GLRB: variants seen among roughly 807,000 people sequenced by gnomAD.
GLRB encodes the protein glycine receptor subunit beta.
GLRB carries 33 observed loss-of-function variants against 54.2 expected under a neutral mutation model. The observed-to-expected ratio is 0.61, with a 90% CI of 0.46 to 0.81. The LOEUF (loss-of-function observed/expected upper bound fraction) is 0.81, where lower values mean the gene tolerates loss of function less well. Among genes scored for constraint, GLRB ranks in the 40% least tolerant of loss-of-function variants. The pLI is 0.00. For synonymous variants in GLRB, 209 were observed against 208.2 expected, an observed-to-expected ratio of 1.00 and a Z score of -0.03; for missense variants, 572 against 584.6, an observed-to-expected ratio of 0.98 and a Z score of 0.22.
intron 2 of GLRB, among the ~76,000 whole-genome samples, chr4:157,086,093 A>C (rs2126435773): frequency 6.6e-6 from 1 of 152,178 alleles, no homozygotes; most frequent in East Asian, 1.9e-4. Flanking sequence ...TGTTCTCCCA[A>C]AGACTTCGCG....
chr4:157,120,705 A>G (rs1318280599), intron 3 of GLRB, 43 bp downstream of exon 3: 3 of 900,740 alleles, frequency 3.3e-6, no homozygotes, highest in East Asian at 2.7e-5. Flanking sequence ...TTGTTTAAAA[A>G]TTAATTTTAT....
chr4:157,101,287 A>C (rs549556916), intron 2 of GLRB, among the ~76,000 whole-genome samples: 1 of 152,224 alleles, frequency 6.6e-6, no homozygotes, highest in East Asian at 1.9e-4. Flanking sequence ...CATAAAATAT[A>C]AATAATATAT....
At chr4:157,089,994 T>A (rs1312660090) in intron 2 of GLRB, among the ~76,000 whole-genome samples, 1 of 152,212 alleles carries the variant, frequency 6.6e-6, no homozygotes, top group Non-Finnish European at 1.5e-5. Context: ...ATCTAGCTAC[T>A]TCTCCTCATC....
At chr4:157,168,090 A>G (rs150319173) in intron 9 of GLRB, among the ~76,000 whole-genome samples, 1 of 150,452 alleles carries the variant, frequency 6.6e-6, no homozygotes, top group Non-Finnish European at 1.5e-5. Context: ...GGAGACAAAT[A>G]TCCAAACCAC....
chr4:157,119,652 A>G (rs1375159814), intron 2 of GLRB, among the ~76,000 whole-genome samples: 1 of 151,746 alleles, frequency 6.6e-6, no homozygotes, highest in African/African-American at 2.4e-5. Flanking sequence ...AATATTTACT[A>G]GTCTCTATTT....
chr4:157,145,224 G>C (rs779801641), intron 8 of GLRB, among the ~76,000 whole-genome samples: 3 of 152,156 alleles, frequency 2.0e-5, no homozygotes, highest in Non-Finnish European at 4.4e-5. Flanking sequence ...TCTGATACCA[G>C]GTTCCTGAGC....
intron 2 of GLRB, among the ~76,000 whole-genome samples, chr4:157,098,369 G>T (rs1163852271): frequency 6.6e-6 from 1 of 152,060 alleles, no homozygotes; most frequent in African/African-American, 2.4e-5. Flanking sequence ...AAAGACTTTT[G>T]CAATAGGGAG....
chr4:157,115,324 A>AG (rs397699514), intron 2 of GLRB, among the ~76,000 whole-genome samples: 2 of 150,164 alleles, frequency 1.3e-5, no homozygotes, highest in Non-Finnish European at 3.0e-5. Context: ...TTAAAAAAAA[A>AG]TTGTCTTCTC....
chr4:157,078,458 A>G (rs983934505), intron 2 of GLRB, among the ~76,000 whole-genome samples: 2 of 152,034 alleles, frequency 1.3e-5, no homozygotes, highest in African/African-American at 4.8e-5. Context: ...TGCAACTTTA[A>G]TTGGATACTG....
At chr4:157,167,683 C>T (rs894879640) in intron 9 of GLRB, among the ~76,000 whole-genome samples, 3 of 152,224 alleles carry the variant, frequency 2.0e-5, no homozygotes, top group South Asian at 2.1e-4. Flanking sequence ...CTCACTCTTT[C>T]GACTTGTGTA....
At chr4:157,095,009 A>C (rs1734752129) in intron 2 of GLRB, among the ~76,000 whole-genome samples, 3 of 152,206 alleles carry the variant, frequency 2.0e-5, no homozygotes, top group Admixed American at 6.5e-5. Flanking sequence ...TTTCACACTA[A>C]AATAATATTC....
intron 4 of GLRB, among the ~76,000 whole-genome samples, chr4:157,127,954 A>G (rs1736074421): frequency 6.6e-6 from 1 of 151,934 alleles, no homozygotes; most frequent in Admixed American, 6.6e-5. Flanking sequence ...ATTGGAAACT[A>G]GTACATATGC....
At chr4:157,150,444 A>T (rs1054009752) in intron 8 of GLRB, among the ~76,000 whole-genome samples, 3 of 152,004 alleles carry the variant, frequency 2.0e-5, no homozygotes, top group Admixed American at 2.0e-4. Context: ...TCCAAAATCT[A>T]TAAATATTCT....
At position 157,170,449 on chromosome 4, in the gene GLRB, C is replaced by CA. The variant is rs746631259; in HGVS notation, c.1221dup (p.Val408SerfsTer5). 23 of 1,599,764 alleles carry CA rather than the reference C, an allele frequency of 1.4e-5. No homozygotes were observed. The highest frequency in any genetic ancestry group is 1.9e-5 in the Non-Finnish European group (22 of 1,167,622). The stretch of plus-strand genomic sequence containing the variant: ...ATTCTTAGGTTGGTGAGACCAGATG[C>CA]AAAAAAGTTTGTACTTCTAAGTCTG... On this transcript the variant is annotated frameshift_variant, in exon 10 of 10. Transcript: ENST00000264428. LOFTEE classifies it high-confidence loss of function.
In GLRB at chr4:157,077,724, A is replaced by G. The variant is rs539452513; in HGVS notation, c.-29-272A>G. On this transcript the variant is annotated intron_variant, in intron 1 of 9. Transcript: ENST00000264428. ...GTGTAGCTATAGAATCAGAAATTTTATACAGTAACCTATTATATCTCGTTG... is the reference window on the plus strand; with the variant it reads ...GTGTAGCTATAGAATCAGAAATTTTGTACAGTAACCTATTATATCTCGTTG... Among the ~76,000 whole-genome samples the G allele has an allele frequency of 9.3e-5, 14 of 151,252 alleles. 1 individual carries two copies. Among genetic ancestry groups the G allele is most frequent in the African/African-American group, 3.2e-4 (13 of 41,256 alleles).
chr4:157,091,629 T>A (rs1452807762), intron 2 of GLRB, among the ~76,000 whole-genome samples: 1 of 152,218 alleles, frequency 6.6e-6, no homozygotes, highest in Non-Finnish European at 1.5e-5. Flanking sequence ...CAGGAGCCTG[T>A]GGCTGTGGAC....
intron 2 of GLRB, among the ~76,000 whole-genome samples, chr4:157,114,251 T>C (rs761256452): frequency 4.0e-5 from 6 of 151,768 alleles, no homozygotes; most frequent in Non-Finnish European, 7.4e-5. Context: ...ATATACATAG[T>C]TTGCTTCCAG....
At chr4:157,091,056 A>T (rs1255227051) in intron 2 of GLRB, among the ~76,000 whole-genome samples, 1 of 152,114 alleles carries the variant, frequency 6.6e-6, no homozygotes, top group African/African-American at 2.4e-5. Context: ...CTTTTCATGG[A>T]ACTATTAATA....
chr4:157,157,148 C>T (rs1196327985), intron 9 of GLRB, among the ~76,000 whole-genome samples: 1 of 152,118 alleles, frequency 6.6e-6, no homozygotes, highest in Non-Finnish European at 1.5e-5. Flanking sequence ...TCCAGGGCCC[C>T]CTGTGACATC....
Sources: gnomAD v4.1 joint callset for allele counts (sites outside exome capture counted in the v4.1 genomes callset) on GRCh38, gnomAD v4.1.1 for gene constraint, MANE v1.5 for transcripts, NCBI Gene and HGNC (gene_info 2026-07-23, HGNC 2026-07-21) for gene names.